Variants in RANBP2 observed in about 807,000 individuals in gnomAD.
RANBP2 encodes the protein E3 SUMO-protein ligase RanBP2.
Under a neutral mutation model 303.6 loss-of-function variants are expected in RANBP2, and 57 were observed. The ratio of observed to expected loss-of-function variants is 0.19; its 90% CI spans 0.15 to 0.23. The LOEUF is 0.23. Ranked by LOEUF, RANBP2 falls within the 10% of genes least tolerant of loss-of-function variation. The probability of loss-of-function intolerance (pLI) is 1.00; values close to 1 mark genes in which losing one functional copy is unlikely to be tolerated. For synonymous variants in RANBP2, 1,167 were observed against 1,301.5 expected (o/e 0.90, Z 2.23); for missense variants, 3,138 against 3,780.8 (o/e 0.83, Z 4.46).
At chr2:109,033,122 C>T in the RANBP2 span, among the ~76,000 whole-genome samples, 2 of 152,220 alleles carry the variant, frequency 1.3e-5, no homozygotes, top group African/African-American at 4.8e-5. Flanking sequence ...TTGGTCATTA[C>T]TCAGCCAGAC....
the RANBP2 span, among the ~76,000 whole-genome samples, chr2:109,384,308 C>T: frequency 1.3e-5 from 2 of 152,192 alleles, no homozygotes; most frequent in African/African-American, 2.4e-5. Context: ...GGATTCTACT[C>T]TCCGTGGAGA....
the RANBP2 span, chr2:109,574,755 T>G: frequency 6.3e-7 from 1 of 1,579,412 alleles, no homozygotes; most frequent in South Asian, 1.2e-5. Flanking sequence ...TGTAGTCAAC[T>G]ATTGGTTGGT....
chr2:109,718,797 G>A, the RANBP2 span, among the ~76,000 whole-genome samples: 60 of 151,992 alleles, frequency 3.9e-4, no homozygotes, highest in Non-Finnish European at 5.9e-4. Flanking sequence ...GGCCAACATG[G>A]TGAGGAGATT....
At chr2:109,247,306 T>A in the RANBP2 span, among the ~76,000 whole-genome samples, 25 of 152,190 alleles carry the variant, frequency 1.6e-4, no homozygotes, top group Non-Finnish European at 5.9e-5. Context: ...AAGAGCTTTC[T>A]TGAGCCCTTT....
chr2:109,001,769 C>T, the RANBP2 span, among the ~76,000 whole-genome samples: 8 of 152,158 alleles, frequency 5.3e-5, no homozygotes, highest in Non-Finnish European at 8.8e-5. Flanking sequence ...GTCTCTCTGT[C>T]GCCCAGACTA....
chr2:108,930,066 A>G, the RANBP2 span: 2 of 1,575,702 alleles, frequency 1.3e-6, no homozygotes, highest in Middle Eastern at 1.7e-4. Flanking sequence ...CAATGCCACA[A>G]GCAGGAGGCC....
the RANBP2 span, among the ~76,000 whole-genome samples, chr2:108,843,871 TGTGTG>T: frequency 0.66 from 88,100 of 133,944 alleles, 34,155 homozygotes; most frequent in East Asian, 0.85. Context: ...TGTGTGTGTG[TGTGTG>T]TGTTTCTTTC....
At chr2:108,770,934 GTT>G (rs1176542465) in intron 20 of RANBP2, among the ~76,000 whole-genome samples, 1 of 152,060 alleles carries the variant, frequency 6.6e-6, no homozygotes, top group Admixed American at 6.6e-5. Context: ...CTCTCAGAAT[GTT>G]TCCCTATCAC....
At chr2:109,643,558 C>T in the RANBP2 span, among the ~76,000 whole-genome samples, 1 of 151,306 alleles carries the variant, frequency 6.6e-6, no homozygotes. Context: ...TCAGGAGTTT[C>T]AGACCAGCCT....
In RANBP2 at chr2:108,785,237, G is replaced by GTGATGGTATACC. The variant is rs1349361950; in HGVS notation, c.*1337_*1348dup. 6.6e-6 allele frequency: 1 copy of GTGATGGTATACC among 152,112 alleles called. No homozygotes were observed. Among genetic ancestry groups the GTGATGGTATACC allele is most frequent in the Non-Finnish European group, 1.5e-5 (1 of 68,032 alleles). 9.4% of individuals were successfully genotyped at this position (152,112 alleles called of 1,614,324 possible). ...GGGAGGGATGTTGTGCGAGTAATGAGTGATGGTATACCATCACCATTCCAC... is the reference window on the plus strand; with the variant it reads ...GGGAGGGATGTTGTGCGAGTAATGAGTGATGGTATACCTGATGGTATACCATCACCATTCCAC... On this transcript the variant is annotated 3_prime_UTR_variant, in exon 29 of 29. Coordinates refer to ENST00000283195, the MANE Select transcript of RANBP2 (RefSeq NM_006267.5).
At chr2:108,728,925 T>C (rs1694951735) in intron 1 of RANBP2, among the ~76,000 whole-genome samples, 2 of 152,342 alleles carry the variant, frequency 1.3e-5, no homozygotes, top group South Asian at 2.1e-4. Context: ...ATTACAGGCA[T>C]GAGCCGCTGC....
the RANBP2 span, among the ~76,000 whole-genome samples, chr2:109,581,945 T>G: frequency 1.3e-5 from 2 of 152,166 alleles, no homozygotes; most frequent in African/African-American, 4.8e-5. Flanking sequence ...GCCAAATGGC[T>G]CCTGAACTGA....
At chr2:109,497,292 C>T in the RANBP2 span, among the ~76,000 whole-genome samples, 40,255 of 152,064 alleles carry the variant, frequency 0.26, 5,670 homozygotes, top group East Asian at 0.5. Context: ...GGGGCTCATT[C>T]GTCTTCCTGT....
chr2:109,306,893 T>C, the RANBP2 span, among the ~76,000 whole-genome samples: 46,939 of 151,812 alleles, frequency 0.31, 8,893 homozygotes, highest in African/African-American at 0.54. Flanking sequence ...GTGTGCGGTG[T>C]ACGGTAGGGC....
At chr2:109,182,538 G>T in the RANBP2 span, among the ~76,000 whole-genome samples, 1 of 152,280 alleles carries the variant, frequency 6.6e-6, no homozygotes, top group East Asian at 1.9e-4. Flanking sequence ...TCCTGGATGT[G>T]CTTGGGACAT....
chr2:109,139,109 A>G, the RANBP2 span, among the ~76,000 whole-genome samples: 1 of 152,200 alleles, frequency 6.6e-6, no homozygotes, highest in Non-Finnish European at 1.5e-5. Context: ...TCTTTTATGG[A>G]TAAGCCACTG....
chr2:109,583,698 C>T, the RANBP2 span, among the ~76,000 whole-genome samples: 11 of 152,226 alleles, frequency 7.2e-5, no homozygotes, highest in East Asian at 1.9e-3. Context: ...TATGTTTCAT[C>T]ATAGCTCTAT....
At chr2:108,733,013 G>A (rs1422954960) in intron 4 of RANBP2, among the ~76,000 whole-genome samples, 9 of 151,914 alleles carry the variant, frequency 5.9e-5, no homozygotes, top group Non-Finnish European at 8.8e-5. Flanking sequence ...TAGTAGAAAC[G>A]GGGTTTCACC....
At chr2:108,779,136 C>G (rs979501315) in intron 25 of RANBP2, among the ~76,000 whole-genome samples, 110 of 151,492 alleles carry the variant, frequency 7.3e-4, no homozygotes, top group African/African-American at 2.5e-3. Flanking sequence ...CAGATCATTC[C>G]TTTGCAATAT....
Sources: allele counts gnomAD v4.1 joint callset (sites outside exome capture counted in the v4.1 genomes callset), GRCh38; gene constraint gnomAD v4.1.1; transcripts MANE v1.5; gene names NCBI Gene and HGNC (gene_info 2026-07-23, HGNC 2026-07-21).